TRAF2: variants seen among roughly 807,000 people sequenced by gnomAD.
TRAF2 encodes TNF receptor-associated factor 2.
In TRAF2, 6 loss-of-function variants were observed where a neutral mutation model predicts 55.6. That is an observed-to-expected ratio of 0.11 (90% CI 0.06 to 0.21). TRAF2 has a LOEUF of 0.21. Among genes scored for constraint, TRAF2 ranks in the 10% least tolerant of loss-of-function variants. The pLI is 1.00. For missense variants in TRAF2, 561 were observed against 684.5 expected (o/e 0.82, Z 2.01); for synonymous variants, 329 against 276.3 (o/e 1.19, Z -1.89).
chr9:136,902,495 C>G (rs997607943), intron 4 of TRAF2: 1 of 152,272 alleles, frequency 6.6e-6, no homozygotes, highest in Non-Finnish European at 1.5e-5. Context: ...TTATGAGGGC[C>G]TCCGGCTGAG....
intron 1 of TRAF2, among the ~76,000 whole-genome samples, chr9:136,898,241 A>AG (rs764719669): frequency 2.0e-5 from 3 of 152,224 alleles, no homozygotes; most frequent in Non-Finnish European, 4.4e-5. Context: ...GCCAGCAGGC[A>AG]GGCGTCTCCT....
chr9:136,910,524 A>C (rs1357049762), intron 6 of TRAF2, among the ~76,000 whole-genome samples: 1 of 152,222 alleles, frequency 6.6e-6, no homozygotes, highest in Non-Finnish European at 1.5e-5. Context: ...TAGGAAAGGA[A>C]GCTGGGAAAT....
chr9:136,884,463 G>T (rs575676286), upstream of TRAF2, among the ~76,000 whole-genome samples: 1 of 152,086 alleles, frequency 6.6e-6, no homozygotes, highest in Non-Finnish European at 1.5e-5. Flanking sequence ...CGGAGGCTTA[G>T]GCAGGAGAAT....
At chr9:136,886,666 G>A in intron 1 of TRAF2, 125 bp downstream of exon 1, 2 of 713,038 alleles carry the variant, frequency 2.8e-6, no homozygotes, top group Non-Finnish European at 3.4e-6. Flanking sequence ...AGCGGGAGCG[G>A]GGGCGGGAGA....
intron 1 of TRAF2, among the ~76,000 whole-genome samples, chr9:136,896,097 C>A (rs1849674103): frequency 6.6e-6 from 1 of 152,090 alleles, no homozygotes; most frequent in African/African-American, 2.4e-5. Context: ...GTGAGCCCCC[C>A]CACCCCCACT....
At chr9:136,916,737 T>G (rs1198886996) in intron 7 of TRAF2, 122 bp downstream of exon 7, 49 of 946,520 alleles carry the variant, frequency 5.2e-5, no homozygotes, top group Non-Finnish European at 3.7e-5. Context: ...CAGCACTGCC[T>G]CCTCCTGCCC....
At chr9:136,918,164 C>T (rs922985751) in intron 7 of TRAF2, among the ~76,000 whole-genome samples, 1 of 150,806 alleles carries the variant, frequency 6.6e-6, no homozygotes, top group African/African-American at 2.4e-5. Context: ...GGTCATGCCT[C>T]TAGCTGGGTA....
Position 136,926,099 on chromosome 9 carries a change from C to CG in TRAF2, c.*200dup. On this transcript the variant is annotated 3_prime_UTR_variant, in exon 11 of 11. Transcript: ENST00000247668. Reference sequence around the variant, plus strand: ...GCCAGTCCTCAGATTTCAGAGACTGCGGAGGGGCTTGGCAGACGGTCTTAG... The same window carrying CG: ...GCCAGTCCTCAGATTTCAGAGACTGCGGGAGGGGCTTGGCAGACGGTCTTAG... 2 of 783,342 alleles carry CG rather than the reference C, an allele frequency of 2.6e-6. No individual in the cohort carries two copies. The highest frequency in any genetic ancestry group is 4.5e-6 in the Non-Finnish European group (2 of 442,994). The allele number at this position is 783,342 out of a possible 1,614,324, so 48.5% of individuals were successfully genotyped here.
chr9:136,908,871 GAA>G (rs11418746), intron 5 of TRAF2, among the ~76,000 whole-genome samples: 21 of 84,456 alleles, frequency 2.5e-4, no homozygotes, highest in South Asian at 1.4e-3. Flanking sequence ...TTCCGTCTCG[GAA>G]AAAAAAAAAA....
At chr9:136,907,940 A>C (rs1849994857) in intron 4 of TRAF2, 130 bp from the exon 5 acceptor site, 1 of 1,167,792 alleles carries the variant, frequency 8.6e-7, no homozygotes, top group Non-Finnish European at 1.2e-6. Flanking sequence ...AGCTATCTGC[A>C]GAGGGCGGCC....
rs575945305 is a variant in TRAF2 at position 136,918,733 on chromosome 9, G to A, written c.679-1501G>A. Among the ~76,000 whole-genome samples the A allele has an allele frequency of 4.0e-3, 600 of 151,430 alleles. 8 individuals are homozygous for A. The highest frequency in any genetic ancestry group is 0.014 in the African/African-American group (567 of 41,238). On this transcript the variant is annotated intron_variant, in intron 7 of 10. Coordinates refer to ENST00000247668, the MANE Select transcript of TRAF2 (RefSeq NM_021138.4). ...GGCTTTTTATTTCTTATTTTATTTTGTTTTATTTCATTTTATTTTTGAGAC... is the reference window on the plus strand; with the variant it reads ...GGCTTTTTATTTCTTATTTTATTTTATTTTATTTCATTTTATTTTTGAGAC...
At chr9:136,906,606 G>A (rs984178432) in intron 4 of TRAF2, among the ~76,000 whole-genome samples, 1 of 152,118 alleles carries the variant, frequency 6.6e-6, no homozygotes, top group East Asian at 1.9e-4. Flanking sequence ...TGGGGACACA[G>A]CCAAACCATA....
At chr9:136,883,883 G>A (rs1270595905), upstream of TRAF2, among the ~76,000 whole-genome samples, 3 of 149,762 alleles carry the variant, frequency 2.0e-5, no homozygotes, top group Non-Finnish European at 3.0e-5. Flanking sequence ...GTGTAGTGGC[G>A]CAATCTCGGC....
At chr9:136,918,227 T>TTATATATATATATATATATATA (rs764701854) in intron 7 of TRAF2, among the ~76,000 whole-genome samples, 2 of 68,072 alleles carry the variant, frequency 2.9e-5, no homozygotes, top group African/African-American at 1.6e-4. Context: ...AGTGTTTTGT[T>TTATATATATATATATATATATA]TATATATATA....
At chr9:136,902,989 G>GAT (rs1849856600) in intron 4 of TRAF2, among the ~76,000 whole-genome samples, 1 of 55,546 alleles carries the variant, frequency 1.8e-5, no homozygotes, top group Non-Finnish European at 3.4e-5. Flanking sequence ...ATTTTTTTGA[G>GAT]ACGGTCTTGC....
chr9:136,922,230 ACT>A (rs1588445222), intron 9 of TRAF2, among the ~76,000 whole-genome samples: 3 of 151,832 alleles, frequency 2.0e-5, no homozygotes, highest in African/African-American at 7.2e-5. Flanking sequence ...CAAAACTCAC[ACT>A]CTTTCTTCTC....
intron 6 of TRAF2, among the ~76,000 whole-genome samples, chr9:136,910,854 CTG>C (rs760635821): frequency 6.6e-6 from 1 of 152,252 alleles, no homozygotes; most frequent in Non-Finnish European, 1.5e-5. Flanking sequence ...TTCCACTTGT[CTG>C]TTAAATGTCC....
intron 4 of TRAF2, among the ~76,000 whole-genome samples, chr9:136,900,883 G>A (rs1849805324): frequency 6.6e-6 from 1 of 152,196 alleles, no homozygotes; most frequent in Admixed American, 6.5e-5. Flanking sequence ...TATCTGAGCA[G>A]TAGCATTTCC....
At chr9:136,883,044 T>G, upstream of TRAF2, among the ~76,000 whole-genome samples, 1 of 152,164 alleles carries the variant, frequency 6.6e-6, no homozygotes, top group Middle Eastern at 3.2e-3. Context: ...TTAATTTTTG[T>G]ATTTTAGTAG....
Sources: gnomAD v4.1 joint callset for allele counts (sites outside exome capture counted in the v4.1 genomes callset) on GRCh38, gnomAD v4.1.1 for gene constraint, MANE v1.5 for transcripts, NCBI Gene and HGNC (gene_info 2026-07-23, HGNC 2026-07-21) for gene names.